Variants in TYW1 observed in about 807,000 individuals in gnomAD.
The protein encoded by TYW1 is tRNA-yW synthesizing protein 1 homolog, also known as S-adenosyl-L-methionine-dependent tRNA 4-demethylwyosine synthase TYW1.
In TYW1, 46 loss-of-function variants were observed where a neutral mutation model predicts 96.2. That is an observed-to-expected ratio of 0.48 (90% CI 0.38 to 0.61). TYW1 has a LOEUF of 0.61. TYW1 is among the 20% of genes least tolerant of loss of function. The pLI, the probability that TYW1 is intolerant of heterozygous loss-of-function variation, is 0.00. For synonymous variants in TYW1, 274 were observed against 323.0 expected, an observed-to-expected ratio of 0.85 and a Z score of 1.63; for missense variants, 684 against 909.6, an observed-to-expected ratio of 0.75 and a Z score of 3.19.
chr7:67,033,089 G>A (rs1313417378), intron 7 of TYW1, among the ~76,000 whole-genome samples: 5 of 151,806 alleles, frequency 3.3e-5, no homozygotes, highest in African/African-American at 9.7e-5. Flanking sequence ...TAGAGATGGA[G>A]TTTCACCATA....
At chr7:67,122,276 AC>A (rs1354909488) in intron 13 of TYW1, among the ~76,000 whole-genome samples, 1 of 152,178 alleles carries the variant, frequency 6.6e-6, no homozygotes, top group Non-Finnish European at 1.5e-5. Context: ...ATGTTAGGAT[AC>A]TCTGACCTGA....
intron 13 of TYW1, among the ~76,000 whole-genome samples, chr7:67,161,014 G>T (rs1356475739): frequency 6.6e-6 from 1 of 152,118 alleles, no homozygotes; most frequent in Non-Finnish European, 1.5e-5. Context: ...ATTTCTAATG[G>T]TGGCCTCTCA....
At chr7:67,126,968 G>A (rs1273435577) in intron 13 of TYW1, among the ~76,000 whole-genome samples, 1 of 151,536 alleles carries the variant, frequency 6.6e-6, no homozygotes, top group Non-Finnish European at 1.5e-5. Context: ...TTTTTCTTTT[G>A]TGGTTTTGAG....
rs151172166 is a variant in TYW1, at chr7:67,087,048, A to C, written c.1384+3509A>C. Among the ~76,000 whole-genome samples the C allele has an allele frequency of 4.2e-3, 636 of 152,314 alleles. 4 individuals are homozygous for C. Among genetic ancestry groups the C allele is most frequent in the Admixed American group, 0.025 (379 of 15,294 alleles). ...AGGAGGAATCAGCACTGCCTTGAAG[A>C]ATAGACACCTTCATTTCTTTATGCT... On this transcript the variant is annotated intron_variant, in intron 11 of 15. Transcript: ENST00000359626.
chr7:67,208,419 C>T (rs896307360), intron 15 of TYW1, among the ~76,000 whole-genome samples: 5 of 151,394 alleles, frequency 3.3e-5, no homozygotes, highest in South Asian at 2.1e-4. Context: ...CCATCGGGCG[C>T]GGTGGCTTAC....
chr7:66,998,932 G>C lies in TYW1; in HGVS notation c.251G>C (p.Gly84Ala), dbSNP rs542889524. 1 of 1,614,030 alleles carries C rather than the reference G, an allele frequency of 6.2e-7. No individual in the cohort carries two copies. Among genetic ancestry groups the C allele is most frequent in the Non-Finnish European group, 8.5e-7 (1 of 1,179,996 alleles). The change falls in exon 3 of 16, where the codon GGT becomes GCT. Residue 84 changes from glycine (G) to alanine (A), a missense_variant. Gly to Ala is a moderately conservative substitution (Grantham distance 60). Transcript: ENST00000359626. The part of the protein sequence containing the change: ...IFVSGVKIFY[G>A]SQTGTAKGFA... Reference sequence around the variant, plus strand: ...GTGTCTGGAGTGAAGATTTTTTATGGTTCTCAGACTGGAACAGCGAAGGTA... The same window carrying C: ...GTGTCTGGAGTGAAGATTTTTTATGCTTCTCAGACTGGAACAGCGAAGGTA...
chr7:67,211,942 C>A (rs1474828316), intron 15 of TYW1, among the ~76,000 whole-genome samples: 1 of 152,198 alleles, frequency 6.6e-6, no homozygotes, highest in African/African-American at 2.4e-5. Flanking sequence ...ACAGTCTTCA[C>A]TCCTTCCTGG....
intron 7 of TYW1, among the ~76,000 whole-genome samples, chr7:67,037,373 G>A (rs1794871953): frequency 6.6e-6 from 1 of 151,968 alleles, no homozygotes; most frequent in Non-Finnish European, 1.5e-5. Flanking sequence ...GCGTGGTGGT[G>A]CATGCCTGTA....
chr7:67,107,322 G>T (rs1797273452), intron 12 of TYW1, among the ~76,000 whole-genome samples: 1 of 152,176 alleles, frequency 6.6e-6, no homozygotes, highest in Non-Finnish European at 1.5e-5. Context: ...TTCAATAGAA[G>T]TTCCCCGACC....
intron 13 of TYW1, among the ~76,000 whole-genome samples, chr7:67,154,490 C>T (rs1798903844): frequency 7.1e-6 from 1 of 140,040 alleles, no homozygotes; most frequent in African/African-American, 2.8e-5. Flanking sequence ...CAGTTTTTTT[C>T]TTTCAGTACT....
At chr7:67,022,837 G>A (rs1794318820) in intron 6 of TYW1, among the ~76,000 whole-genome samples, 2 of 152,146 alleles carry the variant, frequency 1.3e-5, no homozygotes, top group South Asian at 2.1e-4. Context: ...TATTGACAAA[G>A]CAAAAGAGAA....
chr7:67,090,283 G>T (rs1432463169), intron 11 of TYW1, among the ~76,000 whole-genome samples: 1 of 152,150 alleles, frequency 6.6e-6, no homozygotes, highest in East Asian at 1.9e-4. Flanking sequence ...TTTTAGTCAG[G>T]GCAGGTCGTT....
intron 11 of TYW1, chr7:67,089,413 G>T (rs921612983): frequency 2.0e-5 from 25 of 1,252,380 alleles, no homozygotes; most frequent in Non-Finnish European, 2.6e-5. Context: ...GGTAAAGGTC[G>T]AAGCGCTGGG....
chr7:67,034,047 T>A (rs1328693530), intron 7 of TYW1, among the ~76,000 whole-genome samples: 1 of 151,838 alleles, frequency 6.6e-6, no homozygotes, highest in Admixed American at 6.6e-5. Flanking sequence ...CTTTGAAAAT[T>A]TTTAACTTGA....
chr7:66,996,901 G>C lies in TYW1; in HGVS notation c.-78G>C. The C allele has an allele frequency of 1.9e-6, 3 of 1,608,676 alleles. No homozygotes were observed. The highest frequency in any genetic ancestry group is 2.5e-6 in the Non-Finnish European group (3 of 1,177,748). On this transcript the variant is annotated 5_prime_UTR_variant, in exon 1 of 16. Coordinates refer to ENST00000359626, the MANE Select transcript of TYW1 (RefSeq NM_018264.4). The stretch of plus-strand genomic sequence containing the variant: ...CGCCGCTAACGCGGCGAGGTAGCTC[G>C]GTGCGTCTCGCGGTACCAGTGCGAA...
Position 67,206,126 on chromosome 7 carries a change from T to C in TYW1, c.1977+10789T>C, listed in dbSNP as rs1273048356. 8.5e-5 allele frequency among the ~76,000 whole-genome samples: 13 copies of C among 152,362 alleles called. No homozygotes were observed. The East Asian group carries it at 2.5e-3, about 29-fold the overall frequency. ...ACAGTAATGCCAATCCAGATGGGAC[T>C]ATTTGATATTGGTAGATTATTTCCA... On this transcript the variant is annotated intron_variant, in intron 15 of 15. Coordinates refer to ENST00000359626, the MANE Select transcript of TYW1 (RefSeq NM_018264.4).
intron 15 of TYW1, among the ~76,000 whole-genome samples, chr7:67,202,084 A>G (rs1425061686): frequency 6.6e-6 from 1 of 152,102 alleles, no homozygotes. Flanking sequence ...CCCATCCAAA[A>G]AGCAAAACAA....
At chr7:67,191,617 T>C (rs895719336) in intron 14 of TYW1, among the ~76,000 whole-genome samples, 1 of 147,292 alleles carries the variant, frequency 6.8e-6, no homozygotes, top group Non-Finnish European at 1.5e-5. Context: ...GAAAGTTTTT[T>C]AGATAATTCT....
intron 13 of TYW1, among the ~76,000 whole-genome samples, chr7:67,134,117 G>A (rs373972147): frequency 2.0e-4 from 31 of 152,042 alleles, no homozygotes; most frequent in African/African-American, 6.8e-4. Context: ...TCAGTGCCGC[G>A]GATAGTGCTT....
Sources: allele counts gnomAD v4.1 joint callset (sites outside exome capture counted in the v4.1 genomes callset), GRCh38; gene constraint gnomAD v4.1.1; transcripts MANE v1.5; gene names NCBI Gene and HGNC (gene_info 2026-07-23, HGNC 2026-07-21).